Variants in FOLR3 observed in about 807,000 individuals in gnomAD.
FOLR3 encodes the protein folate receptor gamma.
In FOLR3, 9 loss-of-function variants were observed where a neutral mutation model predicts 20.0. The observed-to-expected ratio is 0.45, with a 90% CI of 0.27 to 0.79. The LOEUF is 0.79. Ranked by LOEUF, FOLR3 falls within the 30% of genes least tolerant of loss-of-function variation. FOLR3 has a pLI of 0.15. For missense variants in FOLR3, 309 were observed against 323.5 expected, an observed-to-expected ratio of 0.96 and a Z score of 0.34; for synonymous variants, 124 against 115.5, an observed-to-expected ratio of 1.07 and a Z score of -0.47.
chr11:72,139,260 GC>G, intron 3 of FOLR3, 86 bp from the exon 4 acceptor site: 1 of 1,551,336 alleles, frequency 6.4e-7, no homozygotes, highest in East Asian at 2.3e-5. Context: ...TGGACGCCCT[GC>G]CCCCTCCCAC....
rs189330558 is a variant in FOLR3 at position 72,139,786 on chromosome 11, G to A, written c.693G>A (p.Ala231=). ...AGGAGGTGGCCAAGTTCTATGCTGC[G>A]GCCATGAATGCTGGGGCCCCGTCTC... ...PNEEVAKFYA[A]AMNAGAPSRG... Residue 231 remains alanine (A), a synonymous_variant, in exon 5 of 5, where the codon GCG becomes GCA. Coordinates refer to ENST00000611028, the MANE Select transcript of FOLR3 (RefSeq NM_000804.4). 37 of 1,613,958 alleles carry A rather than the reference G, an allele frequency of 2.3e-5. No individual in the cohort carries two copies. Among genetic ancestry groups the A allele is most frequent in the South Asian group, 4.4e-5 (4 of 91,094 alleles).
In FOLR3 at chr11:72,136,174, C is replaced by G. The variant is rs184790323; in HGVS notation, c.168+54C>G. The G allele has an allele frequency of 1.1e-5, 18 of 1,592,624 alleles. No homozygotes were observed. The African/African-American group carries it at 1.7e-4, about 15-fold the overall frequency. ...GCACACAGGTCAGAGGGTGATGGCA[C>G]GAGCAATGGCAGGTCCAGTGTGGTC... is the stretch of plus-strand genomic sequence containing the variant. On this transcript the variant is annotated intron_variant, in intron 2 of 4. Coordinates refer to ENST00000611028, the MANE Select transcript of FOLR3 (RefSeq NM_000804.4).
chr11:72,137,065 G>T (rs573058531), intron 2 of FOLR3, among the ~76,000 whole-genome samples: 2 of 152,300 alleles, frequency 1.3e-5, no homozygotes, highest in East Asian at 3.9e-4. Context: ...GAGGTGGGTA[G>T]GTCTGGCTCC....
rs1277444281 is a variant in FOLR3, at chr11:72,139,342, C to T, written c.358-5C>T. On this transcript the variant is annotated splice_polypyrimidine_tract_variant and splice_region_variant and intron_variant, in intron 3 of 4. Transcript: ENST00000611028. ...ACAGGAGTATTCTGTCTCCTCCCCA[C>T]TCAGGTCAACCAGAGCTGGCGCAAA... 2 of 1,610,668 alleles carry T rather than the reference C, an allele frequency of 1.2e-6. No homozygotes were observed. Among genetic ancestry groups the T allele is most frequent in the Non-Finnish European group, 1.7e-6 (2 of 1,178,226 alleles).
rs1488003191 is a variant in FOLR3 at position 72,135,961 on chromosome 11, G to A, written c.9G>A (p.Met3Ile). 1.2e-6 allele frequency: 2 copies of A among 1,613,530 alleles called. No individual in the cohort carries two copies. The highest frequency in any genetic ancestry group is 1.7e-6 in the Non-Finnish European group (2 of 1,179,594). The change falls in exon 2 of 5, where the codon ATG (methionine) becomes ATA (isoleucine). Residue 3 changes from methionine (M) to isoleucine (I), a missense_variant. Physicochemically the swap from Met to Ile is conservative, Grantham distance 10. Coordinates refer to ENST00000611028, the MANE Select transcript of FOLR3 (RefSeq NM_000804.4). MD[M>I]AWQMMQLLLL... is the part of the protein sequence containing the mutation. ...CTCTCTGGCAGGAATAGATGGACAT[G>A]GCCTGGCAGATGATGCAGCTGCTGC...
intron 4 of FOLR3, 32 bp downstream of exon 4, chr11:72,139,514 G>A (rs746056945): frequency 1.2e-6 from 2 of 1,613,166 alleles, no homozygotes; most frequent in East Asian, 2.2e-5. Context: ...ATGAGGAGTG[G>A]GAGTGGGGCT....
At position 72,139,611 on chromosome 11, in the gene FOLR3, C is replaced by T. The variant is rs375896474; in HGVS notation, c.518C>T (p.Ala173Val). 10 of 1,613,572 alleles carry T rather than the reference C, an allele frequency of 6.2e-6. No individual in the cohort carries two copies. In the East Asian group the frequency reaches 1.3e-4, roughly 22 times the overall value. ...TSGINECPAGALCSTFESYFP... is the reference protein window; with the variant it reads ...TSGINECPAGVLCSTFESYFP... The stretch of plus-strand genomic sequence containing the variant: ...GGGATTAATGAGTGTCCGGCCGGGG[C>T]CCTCTGCAGCACCTTTGAGTCCTAC... The change falls in exon 5 of 5, where the codon GCC becomes GTC. Residue 173 changes from alanine (A) to valine (V), a missense_variant. Transcript: ENST00000611028.
intron 2 of FOLR3, among the ~76,000 whole-genome samples, chr11:72,136,442 C>T (rs190617139): frequency 6.6e-6 from 1 of 151,908 alleles, no homozygotes; most frequent in East Asian, 1.9e-4. Flanking sequence ...TGGGTTAAAG[C>T]GAAGACAGGA....
Position 72,136,006 on chromosome 11 carries a change from T to A in FOLR3, c.54T>A (p.Ala18=), listed in dbSNP as rs940376818. The change falls in exon 2 of 5, where the codon GCT becomes GCA. Residue 18 remains alanine, a synonymous_variant. Transcript: ENST00000611028. ...MQLLLLALVT[A]AGSAQPRSAR... ...TGCTGCTTCTGGCTTTGGTGACTGCTGCGGGGAGTGCCCAGCCCAGGAGTG... is the reference window on the plus strand; with the variant it reads ...TGCTGCTTCTGGCTTTGGTGACTGCAGCGGGGAGTGCCCAGCCCAGGAGTG... The A allele has an allele frequency of 6.2e-6, 10 of 1,613,790 alleles. No individual in the cohort carries two copies. The African/African-American group carries it at 1.2e-4, about 19-fold the overall frequency.
At position 72,135,742 on chromosome 11, in the gene FOLR3, C is replaced by T. The variant is rs1204674084; in HGVS notation, c.-33C>T. 1.7e-5 allele frequency: 10 copies of T among 601,022 alleles called. No individual in the cohort carries two copies. Among genetic ancestry groups the T allele is most frequent in the East Asian group, 2.8e-5 (1 of 35,918 alleles). The allele number at this position is 601,022 out of a possible 1,614,324, so 37.2% of individuals were successfully genotyped here. On this transcript the variant is annotated 5_prime_UTR_variant, in exon 1 of 5. Coordinates refer to ENST00000611028, the MANE Select transcript of FOLR3 (RefSeq NM_000804.4). ...CTGGTGTCAGAGCCTGGACCTACAG[C>T]GCTGTTGGTGGAGGTCCTGCCTCCA...
At chr11:72,136,165 G>C in intron 2 of FOLR3, 45 bp downstream of exon 2, 1 of 1,602,792 alleles carries the variant, frequency 6.2e-7, no homozygotes, top group Non-Finnish European at 8.5e-7. Flanking sequence ...AGGTCAGAGG[G>C]TGATGGCACG....
chr11:72,137,240 A>C (rs533207), intron 2 of FOLR3, among the ~76,000 whole-genome samples: 12,280 of 150,122 alleles, frequency 0.082, 734 homozygotes, highest in African/African-American at 0.16. Context: ...CCAAGAAAAA[A>C]CTCCACCATT....
At chr11:72,138,332 C>T (rs1947766781) in intron 2 of FOLR3, among the ~76,000 whole-genome samples, 1 of 152,152 alleles carries the variant, frequency 6.6e-6, no homozygotes, top group African/African-American at 2.4e-5. Flanking sequence ...CGCCACTGCA[C>T]TCCAGTCTGG....
At chr11:72,139,527 G>A (rs1199747362) in intron 4 of FOLR3, 45 bp downstream of exon 4, 1 of 1,612,666 alleles carries the variant, frequency 6.2e-7, no homozygotes, top group South Asian at 1.1e-5. Context: ...GTGGGGCTTT[G>A]GGGTTGGGAG....
At chr11:72,138,282 C>T (rs960519793) in intron 2 of FOLR3, among the ~76,000 whole-genome samples, 14 of 151,660 alleles carry the variant, frequency 9.2e-5, no homozygotes, top group African/African-American at 1.5e-4. Context: ...AGGAGAATTG[C>T]TTGAACCCGG....
chr11:72,139,778 TATGCTGC>T lies in FOLR3; in HGVS notation c.686_692del (p.Tyr229TrpfsTer3). 6.2e-7 allele frequency: 1 copy of T among 1,614,100 alleles called. No homozygotes were observed. The highest frequency in any genetic ancestry group is 2.2e-5 in the East Asian group (1 of 44,868). The stretch of plus-strand genomic sequence containing the variant: ...CCCCAATGAGGAGGTGGCCAAGTTC[TATGCTGC>T]GGCCATGAATGCTGGGGCCCCGTCT... On this transcript the variant is annotated frameshift_variant, in exon 5 of 5. Coordinates refer to ENST00000611028, the MANE Select transcript of FOLR3 (RefSeq NM_000804.4). LOFTEE classifies it low-confidence loss of function (END_TRUNC).
Position 72,139,715 on chromosome 11 carries a change from C to T in FOLR3, c.622C>T (p.Arg208Cys), listed in dbSNP as rs767401077. The change falls in exon 5 of 5, where the codon CGC becomes TGC. Residue 208 changes from arginine to cysteine, a missense_variant. Arg to Cys is a radical substitution (Grantham distance 180). Coordinates refer to ENST00000611028, the MANE Select transcript of FOLR3 (RefSeq NM_000804.4). ...CAGCAACTATAGTCGAGGGAGCGGC[C>T]GCTGCATCCAGATGTGGTTTGACTC... Reference protein sequence around the residue: ...KVSNYSRGSGRCIQMWFDSAQ... With the variant: ...KVSNYSRGSGCCIQMWFDSAQ... 66 of 1,613,796 alleles carry T rather than the reference C, an allele frequency of 4.1e-5. No individual in the cohort carries two copies. The South Asian group carries it at 6.5e-4, about 16-fold the overall frequency.
chr11:72,136,168 A>T, intron 2 of FOLR3, 48 bp downstream of exon 2: 1 of 1,600,950 alleles, frequency 6.2e-7, no homozygotes, highest in South Asian at 1.1e-5. Context: ...TCAGAGGGTG[A>T]TGGCACGAGC....
intron 2 of FOLR3, among the ~76,000 whole-genome samples, chr11:72,137,537 G>C (rs1294276143): frequency 1.3e-5 from 2 of 151,604 alleles, no homozygotes; most frequent in African/African-American, 4.9e-5. Flanking sequence ...TGTTGCCCAG[G>C]CTGGAATGCA....
Sources: allele counts gnomAD v4.1 joint callset (sites outside exome capture counted in the v4.1 genomes callset), GRCh38; gene constraint gnomAD v4.1.1; transcripts MANE v1.5; gene names NCBI Gene and HGNC (gene_info 2026-07-23, HGNC 2026-07-21).